Variants in PDE11A observed in about 807,000 individuals in gnomAD.
PDE11A encodes the protein dual 3',5'-cyclic-AMP and -GMP phosphodiesterase 11A.
A neutral mutation model predicts 100.5 loss-of-function variants in PDE11A; 100 were observed. That is an observed-to-expected ratio of 1.00 (90% CI 0.85 to 1.18). The LOEUF is 1.18. Among genes scored for constraint, PDE11A ranks in the 50% most tolerant of loss-of-function variants. PDE11A has a pLI of 0.00. For synonymous variants in PDE11A, 381 were observed against 420.8 expected (o/e 0.91, Z 1.16); for missense variants, 1,141 against 1,152.6 (o/e 0.99, Z 0.15).
chr2:177,624,454 G>C lies in PDE11A; in HGVS notation c.*4953C>G, dbSNP rs967346793. The C allele has an allele frequency of 2.0e-5, 3 of 152,030 alleles. No individual in the cohort carries two copies. Among genetic ancestry groups the C allele is most frequent in the African/African-American group, 7.3e-5 (3 of 41,372 alleles). 9.4% of individuals were successfully genotyped at this position (152,030 alleles called of 1,614,324 possible). A position where few individuals can be genotyped will look rare whatever the true frequency, so the allele number is the denominator to read the frequency against. On this transcript the variant is annotated 3_prime_UTR_variant, in exon 20 of 20. Coordinates refer to ENST00000286063, the MANE Select transcript of PDE11A (RefSeq NM_016953.4). The stretch of plus-strand genomic sequence containing the variant: ...ATAATTTTACTGCAGAATAAATTGG[G>C]CAGATTCTGTTTAATTACCTAGTGT...
chr2:177,906,657 T>C (rs1296754370), intron 2 of PDE11A, among the ~76,000 whole-genome samples: 2 of 152,222 alleles, frequency 1.3e-5, no homozygotes, highest in African/African-American at 4.8e-5. Flanking sequence ...GATTTTCACA[T>C]GTTGCCTTCT....
intron 13 of PDE11A, chr2:177,702,849 ATG>A (rs2081221395): frequency 6.6e-6 from 1 of 152,156 alleles, no homozygotes; most frequent in Non-Finnish European, 1.5e-5. Flanking sequence ...TTAATCATAT[ATG>A]TGTTATTTCT....
intron 2 of PDE11A, among the ~76,000 whole-genome samples, chr2:178,103,041 C>T (rs560001800): frequency 1.3e-5 from 2 of 152,226 alleles, no homozygotes; most frequent in South Asian, 2.1e-4. Flanking sequence ...TAGAATTTCA[C>T]CCATAAAAAG....
intron 1 of PDE11A, among the ~76,000 whole-genome samples, chr2:178,052,902 C>A (rs2086847258): frequency 6.6e-6 from 1 of 152,096 alleles, no homozygotes; most frequent in Non-Finnish European, 1.5e-5. Flanking sequence ...AGTCCAGGAC[C>A]AGACGGATTC....
At chr2:177,995,533 A>T (rs1042097523) in intron 2 of PDE11A, among the ~76,000 whole-genome samples, 1 of 152,314 alleles carries the variant, frequency 6.6e-6, no homozygotes, top group African/African-American at 2.4e-5. Flanking sequence ...TTGAATAGCA[A>T]ACTTGAGGAG....
intron 5 of PDE11A, among the ~76,000 whole-genome samples, chr2:177,867,584 T>G (rs997936475): frequency 1.3e-5 from 2 of 151,824 alleles, no homozygotes; most frequent in African/African-American, 4.8e-5. Context: ...AAAAATTAGC[T>G]GGGTGTGGTG....
chr2:178,089,262 G>GA (rs969081329), intron 2 of PDE11A, among the ~76,000 whole-genome samples: 12 of 152,110 alleles, frequency 7.9e-5, no homozygotes, highest in Non-Finnish European at 1.3e-4. Flanking sequence ...TGGTGTTAGA[G>GA]AAAAAAATTA....
intron 1 of PDE11A, among the ~76,000 whole-genome samples, chr2:178,019,784 A>C (rs1231502358): frequency 6.6e-6 from 1 of 152,220 alleles, no homozygotes; most frequent in African/African-American, 2.4e-5. Flanking sequence ...AGAATAGACA[A>C]AAGACAATGA....
chr2:177,688,045 C>G (rs768919499), intron 15 of PDE11A: 9 of 152,226 alleles, frequency 5.9e-5, no homozygotes, highest in African/African-American at 9.6e-5. Flanking sequence ...CCTCCCGGTT[C>G]TGCCCTCTGA....
chr2:178,041,742 A>G (rs2086685625), intron 1 of PDE11A, among the ~76,000 whole-genome samples: 1 of 152,184 alleles, frequency 6.6e-6, no homozygotes, highest in African/African-American at 2.4e-5. Context: ...GTCATTGCCA[A>G]GGCATCGAAA....
At chr2:177,816,969 C>T in intron 8 of PDE11A, 48 bp from the exon 9 acceptor site, 2 of 1,106,318 alleles carry the variant, frequency 1.8e-6, no homozygotes, top group Non-Finnish European at 2.8e-6. Context: ...AACTCATTGG[C>T]AAAATCTAAT....
At chr2:177,902,854 C>T (rs985955690) in intron 3 of PDE11A, among the ~76,000 whole-genome samples, 9 of 152,198 alleles carry the variant, frequency 5.9e-5, no homozygotes, top group African/African-American at 1.9e-4. Flanking sequence ...TCTCACTGCC[C>T]TAGTCCCAGC....
At chr2:177,736,632 C>T (rs2081788204) in intron 10 of PDE11A, among the ~76,000 whole-genome samples, 2 of 152,134 alleles carry the variant, frequency 1.3e-5, no homozygotes, top group African/African-American at 4.8e-5. Context: ...GGCTGCTGAT[C>T]CTTGTGCATT....
intron 12 of PDE11A, 26 bp downstream of exon 12, chr2:177,727,632 C>T: frequency 7.8e-7 from 1 of 1,284,500 alleles, no homozygotes; most frequent in Non-Finnish European, 1.1e-6. Context: ...GAGAAATGAT[C>T]TTCCACCATC....
Position 177,997,225 on chromosome 2 carries a change from C to T in PDE11A, c.1071+17077G>A, listed in dbSNP as rs556626659. The T allele has an allele frequency of 1.7e-5, 22 of 1,311,482 alleles. 1 individual carries two copies. The highest frequency in any genetic ancestry group is 1.1e-4 in the South Asian group (9 of 83,210). 81.2% of individuals were successfully genotyped at this position (1,311,482 alleles called of 1,614,324 possible). On this transcript the variant is annotated intron_variant, in intron 2 of 19. Coordinates refer to ENST00000286063, the MANE Select transcript of PDE11A (RefSeq NM_016953.4). Reference sequence around the variant, plus strand: ...GAGTCTTCCACGACTACGATTTCTTCGTGTGCCCCAACCTCGGCCCCCTCT... The same window carrying T: ...GAGTCTTCCACGACTACGATTTCTTTGTGTGCCCCAACCTCGGCCCCCTCT...
intron 1 of PDE11A, 52 bp downstream of exon 1, chr2:178,071,474 T>C: frequency 1.9e-6 from 3 of 1,611,200 alleles, no homozygotes; most frequent in Non-Finnish European, 2.5e-6. Context: ...ACCGAAGGCT[T>C]ATCTCCCAAG....
chr2:177,716,556 G>A (rs1379173930), intron 12 of PDE11A, among the ~76,000 whole-genome samples: 1 of 152,086 alleles, frequency 6.6e-6, no homozygotes, highest in Non-Finnish European at 1.5e-5. Flanking sequence ...GAAGGGGAGG[G>A]GGGATAAATG....
At chr2:177,854,354 T>C (rs1160314164) in intron 5 of PDE11A, among the ~76,000 whole-genome samples, 1 of 151,902 alleles carries the variant, frequency 6.6e-6, no homozygotes, top group Non-Finnish European at 1.5e-5. Context: ...GGGTAAGAGG[T>C]AAAGATTAGA....
At chr2:177,686,146 G>A (rs1438266492) in intron 15 of PDE11A, among the ~76,000 whole-genome samples, 2 of 152,156 alleles carry the variant, frequency 1.3e-5, no homozygotes, top group Admixed American at 6.5e-5. Flanking sequence ...CAAAAGGATG[G>A]CTACTTCGTG....
Sources: gnomAD v4.1 joint callset for allele counts (sites outside exome capture counted in the v4.1 genomes callset) on GRCh38, gnomAD v4.1.1 for gene constraint, MANE v1.5 for transcripts, NCBI Gene and HGNC (gene_info 2026-07-23, HGNC 2026-07-21) for gene names.